REEP1: variants seen among roughly 807,000 people sequenced by gnomAD.
REEP1 encodes the protein receptor accessory protein 1.
A neutral mutation model predicts 40.3 loss-of-function variants in REEP1; 22 were observed. The observed-to-expected ratio is 0.55, with a 90% CI of 0.39 to 0.78. REEP1 has a LOEUF of 0.78. Ranked by LOEUF, REEP1 falls within the 30% of genes least tolerant of loss-of-function variation. REEP1 has a pLI of 0.00. For synonymous variants in REEP1, 116 were observed against 139.2 expected, an observed-to-expected ratio of 0.83 and a Z score of 1.17; for missense variants, 280 against 361.1, an observed-to-expected ratio of 0.78 and a Z score of 1.82.
chr2:86,229,874 A>ATCTATG (rs1674915651), intron 6 of REEP1, among the ~76,000 whole-genome samples: 2 of 151,924 alleles, frequency 1.3e-5, no homozygotes, highest in Non-Finnish European at 2.9e-5. Flanking sequence ...AGCCTCCCAA[A>ATCTATG]GTGCTGGGAT....
At chr2:86,320,041 A>G (rs969008917) in intron 1 of REEP1, among the ~76,000 whole-genome samples, 27 of 152,250 alleles carry the variant, frequency 1.8e-4, no homozygotes, top group African/African-American at 6.5e-4. Flanking sequence ...AATTTTTGTC[A>G]GTTTAAGCCA....
At chr2:86,244,569 C>T (rs753302816) in intron 5 of REEP1, among the ~76,000 whole-genome samples, 1 of 151,964 alleles carries the variant, frequency 6.6e-6, no homozygotes, top group Non-Finnish European at 1.5e-5. Context: ...GCGGGCCAGA[C>T]CAGTAAAGAG....
At chr2:86,293,198 G>A (rs1304862410) in intron 1 of REEP1, among the ~76,000 whole-genome samples, 7 of 152,188 alleles carry the variant, frequency 4.6e-5, no homozygotes, top group Admixed American at 4.6e-4. Context: ...TGAATGAGCT[G>A]GATTCAAATG....
At chr2:86,225,464 T>C (rs1674630578) in intron 7 of REEP1, among the ~76,000 whole-genome samples, 1 of 152,028 alleles carries the variant, frequency 6.6e-6, no homozygotes, top group African/African-American at 2.4e-5. Flanking sequence ...AGAGATGGGG[T>C]TTCTCCATGT....
At chr2:86,264,247 C>T (rs1040355403) in intron 2 of REEP1, among the ~76,000 whole-genome samples, 1 of 152,182 alleles carries the variant, frequency 6.6e-6, no homozygotes, top group African/African-American at 2.4e-5. Flanking sequence ...TGTTCCACAA[C>T]TGACTCAGGC....
intron 3 of REEP1, among the ~76,000 whole-genome samples, chr2:86,260,495 C>T (rs1558896003): frequency 6.6e-6 from 1 of 152,188 alleles, no homozygotes; most frequent in Non-Finnish European, 1.5e-5. Flanking sequence ...GGTTACTGAT[C>T]AGACGACTTT....
rs1674696110 is a variant in REEP1 at position 86,226,322 on chromosome 2, A to AG, written c.631+1040dup. ...TTGCACAGCAAGTAAGTGGCAAAGC[A>AG]GGAACAGGGCTCCCTTGGCTGCCCC... On this transcript the variant is annotated intron_variant, in intron 7 of 8. Transcript: ENST00000538924. 2.0e-5 allele frequency among the ~76,000 whole-genome samples: 3 copies of AG among 152,178 alleles called. No individual in the cohort carries two copies. The South Asian group carries it at 6.2e-4, about 32-fold the overall frequency.
chr2:86,237,446 G>A (rs1278282199), intron 5 of REEP1, among the ~76,000 whole-genome samples: 1 of 152,184 alleles, frequency 6.6e-6, no homozygotes, highest in Non-Finnish European at 1.5e-5. Flanking sequence ...GAAAAAGTGA[G>A]GTTAGAGAGA....
intron 1 of REEP1, among the ~76,000 whole-genome samples, chr2:86,334,444 T>C (rs1029548290): frequency 2.0e-5 from 3 of 152,066 alleles, no homozygotes; most frequent in African/African-American, 7.2e-5. Context: ...TCTAGGGAGC[T>C]TGAAAGAGAT....
chr2:86,281,636 A>G (rs1019141566), intron 2 of REEP1, among the ~76,000 whole-genome samples: 1 of 152,288 alleles, frequency 6.6e-6, no homozygotes, highest in African/African-American at 2.4e-5. Context: ...TCAAAAAACA[A>G]AACTATGAAA....
intron 1 of REEP1, among the ~76,000 whole-genome samples, chr2:86,329,475 T>C (rs912712856): frequency 6.6e-5 from 10 of 152,148 alleles, no homozygotes; most frequent in Non-Finnish European, 1.3e-4. Context: ...TCATAAAAAC[T>C]TGGGGTCAGA....
chr2:86,244,725 G>T (rs1675839232), intron 5 of REEP1, among the ~76,000 whole-genome samples: 1 of 152,228 alleles, frequency 6.6e-6, no homozygotes, highest in African/African-American at 2.4e-5. Flanking sequence ...GTGGGCAAAG[G>T]GGTGAAAAAC....
rs1243401519 is a variant in REEP1 at position 86,215,915 on chromosome 2, G to A, written c.*1124C>T. 1 of 152,106 alleles carries A rather than the reference G, an allele frequency of 6.6e-6. No homozygotes were observed. The highest frequency in any genetic ancestry group is 1.5e-5 in the Non-Finnish European group (1 of 68,034). The allele number at this position is 152,106 out of a possible 1,614,324, so 9.4% of individuals were successfully genotyped here. A position where few individuals can be genotyped will look rare whatever the true frequency, so the allele number is the denominator to read the frequency against. On this transcript the variant is annotated 3_prime_UTR_variant, in exon 9 of 9. Transcript: ENST00000538924. ...AGCAAGTCTAACCCATGAAGATCTCGAGCTCCAAAACCATTCTAGAGCCCA... is the reference window on the plus strand; with the variant it reads ...AGCAAGTCTAACCCATGAAGATCTCAAGCTCCAAAACCATTCTAGAGCCCA...
chr2:86,263,491 G>A (rs1228127531), intron 3 of REEP1, among the ~76,000 whole-genome samples: 4 of 151,930 alleles, frequency 2.6e-5, no homozygotes, highest in African/African-American at 9.7e-5. Context: ...CACCCACCTC[G>A]GCCTCCCAAA....
intron 1 of REEP1, among the ~76,000 whole-genome samples, chr2:86,332,470 C>CAT (rs1680819264): frequency 6.6e-6 from 1 of 151,606 alleles, no homozygotes; most frequent in African/African-American, 2.4e-5. Context: ...CACACACACA[C>CAT]ACACGTTCAC....
chr2:86,230,984 C>A (rs1674979053), intron 6 of REEP1, among the ~76,000 whole-genome samples: 2 of 152,158 alleles, frequency 1.3e-5, no homozygotes, highest in Non-Finnish European at 2.9e-5. Flanking sequence ...TGTTTTGTAT[C>A]CCTATTTCTG....
chr2:86,246,011 G>A (rs960033611), intron 5 of REEP1, among the ~76,000 whole-genome samples: 27 of 152,066 alleles, frequency 1.8e-4, no homozygotes, highest in Admixed American at 3.9e-4. Context: ...TGATCCGCCC[G>A]CCTTGGCCTC....
chr2:86,334,124 G>A (rs1212553883), intron 1 of REEP1, among the ~76,000 whole-genome samples: 1 of 152,226 alleles, frequency 6.6e-6, no homozygotes, highest in African/African-American at 2.4e-5. Context: ...ACCCATGGCA[G>A]GGATAAAGCG....
rs35714309 is a variant in REEP1 at position 86,239,208 on chromosome 2, CAAAAAAAAAAA to C, written c.418-6417_418-6407del. 2.5e-3 allele frequency among the ~76,000 whole-genome samples: 145 copies of C among 58,372 alleles called. 2 individuals carry two copies. Among genetic ancestry groups the C allele is most frequent in the African/African-American group, 8.4e-3 (113 of 13,396 alleles). The allele number at this position is 58,372 out of a possible 152,430, so 38.3% of individuals were successfully genotyped here. ...TGATGCTGACCAATGCCATCTAGAC[CAAAAAAAAAAA>C]AAAAAAAAAAAAAAGACATAGGAGT... is the stretch of plus-strand genomic sequence containing the variant. On this transcript the variant is annotated intron_variant, in intron 5 of 8. Transcript: ENST00000538924.
Sources: allele counts gnomAD v4.1 joint callset (sites outside exome capture counted in the v4.1 genomes callset), GRCh38; gene constraint gnomAD v4.1.1; transcripts MANE v1.5; gene names NCBI Gene and HGNC (gene_info 2026-07-23, HGNC 2026-07-21).